Variants in FSTL5 observed in about 807,000 individuals in gnomAD.
The protein encoded by FSTL5 is follistatin like 5.
FSTL5 carries 62 observed loss-of-function variants against 89.1 expected under a neutral mutation model. The observed-to-expected ratio is 0.70, with a 90% CI of 0.57 to 0.86. The LOEUF (loss-of-function observed/expected upper bound fraction) is 0.86, where lower values mean the gene tolerates loss of function less well. Ranked by LOEUF, FSTL5 falls within the 40% of genes least tolerant of loss-of-function variation. The pLI, the probability that FSTL5 is intolerant of heterozygous loss-of-function variation, is 0.00. For missense variants in FSTL5, 1,057 were observed against 1,001.6 expected (o/e 1.06, Z -0.75); for synonymous variants, 383 against 346.2 (o/e 1.11, Z -1.18).
intron 7 of FSTL5, among the ~76,000 whole-genome samples, chr4:161,648,057 T>TC (rs1230016281): frequency 6.6e-6 from 1 of 151,896 alleles, no homozygotes; most frequent in African/African-American, 2.4e-5. Context: ...CCCTACTGGC[T>TC]CCCCCATCTG....
intron 6 of FSTL5, among the ~76,000 whole-genome samples, chr4:161,737,018 A>G (rs966986466): frequency 2.0e-5 from 3 of 152,144 alleles, no homozygotes; most frequent in Admixed American, 6.6e-5. Context: ...AATGGATCTC[A>G]GAAGAATAAG....
At chr4:161,799,276 C>G (rs1729726562) in intron 4 of FSTL5, among the ~76,000 whole-genome samples, 1 of 151,528 alleles carries the variant, frequency 6.6e-6, no homozygotes. Context: ...GTTAGATTCT[C>G]CTTTTAATGT....
intron 6 of FSTL5, among the ~76,000 whole-genome samples, chr4:161,676,917 T>C (rs892420318): frequency 6.6e-6 from 1 of 152,016 alleles, no homozygotes; most frequent in Non-Finnish European, 1.5e-5. Context: ...ACATTAGACA[T>C]TTAAAATACT....
intron 15 of FSTL5, among the ~76,000 whole-genome samples, chr4:161,446,121 A>C (rs1379936130): frequency 6.6e-6 from 1 of 151,988 alleles, no homozygotes; most frequent in Non-Finnish European, 1.5e-5. Context: ...ATTCACAATG[A>C]ATATTTTTTA....
At chr4:162,099,874 C>T (rs946769359) in intron 2 of FSTL5, among the ~76,000 whole-genome samples, 21 of 152,138 alleles carry the variant, frequency 1.4e-4, no homozygotes, top group African/African-American at 3.4e-4. Flanking sequence ...AAAACTACAG[C>T]GTCCACTATT....
chr4:161,434,816 G>A (rs187474440), intron 15 of FSTL5, among the ~76,000 whole-genome samples: 52 of 152,052 alleles, frequency 3.4e-4, no homozygotes, highest in Non-Finnish European at 6.9e-4. Flanking sequence ...GCAAACAGGA[G>A]TATAACAGGT....
At chr4:162,114,072 T>C (rs1579039092) in intron 1 of FSTL5, among the ~76,000 whole-genome samples, 1 of 152,212 alleles carries the variant, frequency 6.6e-6, no homozygotes, top group African/African-American at 2.4e-5. Context: ...ATAAAGATCA[T>C]GTTTCCTTAC....
intron 8 of FSTL5, among the ~76,000 whole-genome samples, chr4:161,545,431 T>C (rs1283867407): frequency 8.4e-6 from 1 of 118,370 alleles, no homozygotes; most frequent in South Asian, 3.2e-4. Flanking sequence ...ATTAATTCAG[T>C]GTGTATTTCT....
chr4:162,071,393 GA>G (rs1429909237), intron 2 of FSTL5, among the ~76,000 whole-genome samples: 1 of 151,080 alleles, frequency 6.6e-6, no homozygotes, highest in African/African-American at 2.4e-5. Context: ...CACAAATGAA[GA>G]CAAAAAGGTA....
chr4:161,819,361 T>C (rs181338047), intron 4 of FSTL5, among the ~76,000 whole-genome samples: 34 of 152,226 alleles, frequency 2.2e-4, no homozygotes, highest in Admixed American at 7.8e-4. Flanking sequence ...GTTCACTGAG[T>C]TGGTTCTTCC....
At chr4:161,767,430 C>A (rs1250474466) in intron 5 of FSTL5, among the ~76,000 whole-genome samples, 3 of 152,142 alleles carry the variant, frequency 2.0e-5, no homozygotes, top group African/African-American at 7.2e-5. Context: ...GGGATTTATT[C>A]TCTGAGACGT....
intron 2 of FSTL5, among the ~76,000 whole-genome samples, chr4:162,064,919 A>T (rs150375883): frequency 6.6e-6 from 1 of 152,132 alleles, no homozygotes; most frequent in East Asian, 1.9e-4. Context: ...TAGGCTAAAT[A>T]AACACAATAG....
chr4:161,452,437 A>G (rs958420641), intron 15 of FSTL5, among the ~76,000 whole-genome samples: 4 of 151,734 alleles, frequency 2.6e-5, no homozygotes, highest in Admixed American at 6.6e-5. Context: ...GATCGTGCCA[A>G]TGTACTCCAG....
chr4:162,031,324 C>T (rs1313046264), intron 3 of FSTL5, among the ~76,000 whole-genome samples: 1 of 152,126 alleles, frequency 6.6e-6, no homozygotes, highest in Non-Finnish European at 1.5e-5. Flanking sequence ...CAAAGAATTA[C>T]TAGCTGATAA....
At chr4:161,420,910 T>G (rs1365665645) in intron 15 of FSTL5, among the ~76,000 whole-genome samples, 1 of 151,406 alleles carries the variant, frequency 6.6e-6, no homozygotes, top group Non-Finnish European at 1.5e-5. Flanking sequence ...TATGTATATA[T>G]GGTATTGGTT....
At chr4:162,097,825 CA>C (rs1334101162) in intron 2 of FSTL5, among the ~76,000 whole-genome samples, 1 of 151,872 alleles carries the variant, frequency 6.6e-6, no homozygotes, top group Non-Finnish European at 1.5e-5. Context: ...CAAATACTGT[CA>C]AAAATGTGGA....
intron 1 of FSTL5, among the ~76,000 whole-genome samples, chr4:162,162,089 A>T (rs557829511): frequency 6.6e-6 from 1 of 152,188 alleles, no homozygotes; most frequent in South Asian, 2.1e-4. Context: ...ACTTCAAAAG[A>T]TTTACATTTG....
chr4:161,924,703 A>G (rs1560919717), intron 3 of FSTL5, among the ~76,000 whole-genome samples: 1 of 151,736 alleles, frequency 6.6e-6, no homozygotes, highest in Non-Finnish European at 1.5e-5. Context: ...TTAAAGAATG[A>G]GTTAAGAGTC....
chr4:162,107,738 C>T (rs889476298), intron 2 of FSTL5, among the ~76,000 whole-genome samples: 2 of 152,042 alleles, frequency 1.3e-5, no homozygotes, highest in African/African-American at 4.8e-5. Context: ...AGGTCAATGT[C>T]ATTTTGCTTT....
Sources: gnomAD v4.1 joint callset for allele counts (sites outside exome capture counted in the v4.1 genomes callset) on GRCh38, gnomAD v4.1.1 for gene constraint, MANE v1.5 for transcripts, NCBI Gene and HGNC (gene_info 2026-07-23, HGNC 2026-07-21) for gene names.